Variants in ADGRD1 observed in about 807,000 individuals in gnomAD.
ADGRD1 encodes the protein adhesion G protein-coupled receptor D1.
A neutral mutation model predicts 113.4 loss-of-function variants in ADGRD1; 77 were observed. The observed-to-expected ratio is 0.68, with a 90% confidence interval of 0.57 to 0.82. The LOEUF is 0.82. Ranked by LOEUF, ADGRD1 falls within the 40% of genes least tolerant of loss-of-function variation. The pLI is 0.00. For missense variants in ADGRD1, 1,036 were observed against 1,139.1 expected (o/e 0.91, Z 1.30); for synonymous variants, 474 against 475.0 (o/e 1.00, Z 0.03).
intron 15 of ADGRD1, among the ~76,000 whole-genome samples, chr12:131,087,283 A>T (rs908195987): frequency 2.0e-5 from 3 of 152,064 alleles, no homozygotes; most frequent in Admixed American, 2.0e-4. Context: ...TCTTAAGTGG[A>T]TAGGAGGGGG....
chr12:131,111,184 C>T (rs1286129838), intron 18 of ADGRD1, among the ~76,000 whole-genome samples: 1 of 152,114 alleles, frequency 6.6e-6, no homozygotes, highest in East Asian at 1.9e-4. Flanking sequence ...CCTCCACCTC[C>T]CAGCCTCAAG....
chr12:131,045,729 G>T (rs1882630772), intron 13 of ADGRD1, among the ~76,000 whole-genome samples: 1 of 152,160 alleles, frequency 6.6e-6, no homozygotes. Flanking sequence ...TCATTCCGAA[G>T]ATCATGCTTT....
At chr12:131,051,137 G>A (rs1371457202) in intron 13 of ADGRD1, among the ~76,000 whole-genome samples, 4 of 152,224 alleles carry the variant, frequency 2.6e-5, no homozygotes, top group South Asian at 2.1e-4. Flanking sequence ...TCTGAACCAC[G>A]TCCTGCCTCA....
chr12:130,977,896 T>C (rs1213553397), intron 4 of ADGRD1: 1 of 152,490 alleles, frequency 6.6e-6, no homozygotes, highest in African/African-American at 2.4e-5. Context: ...GGCAGCTGCA[T>C]GCATGATCTC....
rs1759391766 is a variant in ADGRD1 at position 131,071,660 on chromosome 12, AC to A, written c.1474-5140del. Among the ~76,000 whole-genome samples, 3 of 152,228 alleles carry A rather than the reference AC, an allele frequency of 2.0e-5. No individual in the cohort carries two copies. The East Asian group carries it at 5.8e-4, about 29-fold the overall frequency. ...CTGGGCCACAGAGGGCAACTTGTGC[AC>A]GCACTGGCGGGTCCTATGTGTCCAG... is the stretch of plus-strand genomic sequence containing the variant. On this transcript the variant is annotated intron_variant, in intron 13 of 24. Transcript: ENST00000261654.
intron 13 of ADGRD1, among the ~76,000 whole-genome samples, chr12:131,066,127 A>G (rs942968523): frequency 1.3e-5 from 2 of 152,246 alleles, no homozygotes; most frequent in African/African-American, 4.8e-5. Context: ...CTCCAGACTC[A>G]TGAGCAGGCA....
chr12:131,131,440 A>G (rs1950924979), intron 20 of ADGRD1, among the ~76,000 whole-genome samples: 1 of 152,194 alleles, frequency 6.6e-6, no homozygotes, highest in Non-Finnish European at 1.5e-5. Flanking sequence ...TGCTAAGATG[A>G]GGTCTGGCCC....
intron 11 of ADGRD1, among the ~76,000 whole-genome samples, chr12:131,004,755 C>T (rs1876874526): frequency 6.6e-6 from 1 of 152,164 alleles, no homozygotes; most frequent in African/African-American, 2.4e-5. Context: ...TGTTCAGGAA[C>T]CTGGGGTTCC....
chr12:131,032,786 G>A (rs1467819635), intron 13 of ADGRD1, among the ~76,000 whole-genome samples: 3 of 90,814 alleles, frequency 3.3e-5, no homozygotes, highest in East Asian at 2.7e-4. Flanking sequence ...TCGCCACCCC[G>A]TCACAGAGGT....
intron 11 of ADGRD1, 133 bp downstream of exon 11, chr12:131,004,429 C>T (rs989663506): frequency 7.5e-6 from 5 of 665,700 alleles, no homozygotes; most frequent in Admixed American, 2.3e-5. Context: ...GGTGCTCCCC[C>T]GGACTGCCTG....
At position 130,982,001 on chromosome 12, in the gene ADGRD1, G is replaced by A; in HGVS notation, c.428G>A (p.Gly143Asp). The A allele has an allele frequency of 6.2e-7, 1 of 1,613,978 alleles. No individual in the cohort carries two copies. The highest frequency in any genetic ancestry group is 8.5e-7 in the Non-Finnish European group (1 of 1,179,848). ...AAAGTCTGCTCCAGCGGTGGCAGAG[G>A]CTCTGTGGAGCTGTATACGCGGGAC... ...GFKVCSSGGR[G>D]SVELYTRDNS... Residue 143 changes from glycine to aspartate, a missense_variant, in exon 5 of 25, where the codon GGC (glycine) becomes GAC (aspartate). Gly to Asp is a moderately conservative substitution (Grantham distance 94). Coordinates refer to ENST00000261654, the MANE Select transcript of ADGRD1 (RefSeq NM_198827.5).
intron 13 of ADGRD1, among the ~76,000 whole-genome samples, chr12:131,048,919 G>A (rs1175112171): frequency 6.6e-6 from 1 of 152,190 alleles, no homozygotes; most frequent in Non-Finnish European, 1.5e-5. Flanking sequence ...CTCAGGGCAA[G>A]AGGAGGGGTC....
In ADGRD1 at chr12:131,050,542, C is replaced by G. The variant is rs2137039668; in HGVS notation, c.1474-26259C>G. ...CAGCTTCTGGGAAGGCCTCCGGGAG[C>G]TACAGTCATGGCAGAAGGTGGAGGG... On this transcript the variant is annotated intron_variant, in intron 13 of 24. Coordinates refer to ENST00000261654, the MANE Select transcript of ADGRD1 (RefSeq NM_198827.5). The surrounding 1 kb of genome is among the most constrained non-coding windows in gnomAD (Gnocchi z 4.8). Among the ~76,000 whole-genome samples the G allele has an allele frequency of 6.6e-6, 1 of 152,186 alleles. No individual in the cohort carries two copies. The highest frequency in any genetic ancestry group is 1.9e-4 in the East Asian group (1 of 5,164).
At chr12:131,046,877 C>T (rs1364902066) in intron 13 of ADGRD1, among the ~76,000 whole-genome samples, 1 of 134,134 alleles carries the variant, frequency 7.5e-6, no homozygotes, top group African/African-American at 2.8e-5. Context: ...CCTCCCTGGT[C>T]AGTGCTCCCT....
At chr12:131,010,218 GT>G (rs1877699310) in intron 12 of ADGRD1, among the ~76,000 whole-genome samples, 1 of 152,226 alleles carries the variant, frequency 6.6e-6, no homozygotes, top group Non-Finnish European at 1.5e-5. Flanking sequence ...AAGATTTGGA[GT>G]TTCCTTCACA....
chr12:131,116,544 G>A (rs978144239), intron 18 of ADGRD1, among the ~76,000 whole-genome samples: 3 of 142,154 alleles, frequency 2.1e-5, no homozygotes, highest in Non-Finnish European at 4.4e-5. Flanking sequence ...CCTGGAGGCG[G>A]TCGGGTGGGT....
chr12:131,054,445 TAGTGTCAAGCTAAGTCC>T (rs1436229592), intron 13 of ADGRD1, among the ~76,000 whole-genome samples: 1 of 152,216 alleles, frequency 6.6e-6, no homozygotes, highest in African/African-American at 2.4e-5. Flanking sequence ...GCTAAGCCAT[TAGTGTCAAGCTAAGTCC>T]AGTTTTGCTT....
chr12:131,058,398 G>A (rs1307612719), intron 13 of ADGRD1, among the ~76,000 whole-genome samples: 1 of 152,160 alleles, frequency 6.6e-6, no homozygotes, highest in Admixed American at 6.5e-5. Context: ...GAATGTGCTG[G>A]GTTTGAGTTG....
At chr12:131,044,926 C>T (rs1882524470) in intron 13 of ADGRD1, among the ~76,000 whole-genome samples, 1 of 152,266 alleles carries the variant, frequency 6.6e-6, no homozygotes, top group African/African-American at 2.4e-5. Flanking sequence ...TGTGGCTGGT[C>T]CCTGCGGGGC....
Sources: allele counts gnomAD v4.1 joint callset (sites outside exome capture counted in the v4.1 genomes callset), GRCh38; gene constraint gnomAD v4.1.1; non-coding constraint Gnocchi (gnomAD v3.1); transcripts MANE v1.5; gene names NCBI Gene and HGNC (gene_info 2026-07-23, HGNC 2026-07-21).